Variants in EPB41L1 observed in about 807,000 individuals in gnomAD.
EPB41L1 encodes band 4.1-like protein 1.
In EPB41L1, 29 loss-of-function variants were observed where a neutral mutation model predicts 97.8. The ratio of observed to expected loss-of-function variants is 0.30; its 90% CI spans 0.22 to 0.40. EPB41L1 has a LOEUF of 0.40. Ranked by LOEUF, EPB41L1 falls within the 10% of genes least tolerant of loss-of-function variation. The pLI is 1.00. For missense variants in EPB41L1, 812 were observed against 1,162.3 expected (o/e 0.70, Z 4.38); for synonymous variants, 383 against 459.2 (o/e 0.83, Z 2.12).
chr20:36,221,614 G>A (rs1324421201), intron 19 of EPB41L1, among the ~76,000 whole-genome samples: 2 of 152,220 alleles, frequency 1.3e-5, no homozygotes, highest in African/African-American at 2.4e-5. Context: ...CAGGGTCTGA[G>A]AGGCAGCATT....
intron 14 of EPB41L1, among the ~76,000 whole-genome samples, chr20:36,198,908 A>C (rs1352806021): frequency 1.3e-5 from 2 of 152,102 alleles, no homozygotes; most frequent in Admixed American, 1.3e-4. Flanking sequence ...CGTTGGGTAG[A>C]GATAATAAAA....
chr20:36,199,263 T>C (rs2062367499), intron 14 of EPB41L1, among the ~76,000 whole-genome samples: 1 of 151,976 alleles, frequency 6.6e-6, no homozygotes. Flanking sequence ...AAGGACTTAT[T>C]CAGTGTCTTA....
chr20:36,129,761 A>C (rs959834411), intron 2 of EPB41L1, among the ~76,000 whole-genome samples: 6 of 152,020 alleles, frequency 3.9e-5, no homozygotes, highest in African/African-American at 1.5e-4. Flanking sequence ...AATTCAATTT[A>C]TTCATTTATT....
At position 36,197,839 on chromosome 20, in the gene EPB41L1, C is replaced by G. The variant is rs1390989446; in HGVS notation, c.1486-20C>G. 6.2e-7 allele frequency: 1 copy of G among 1,614,000 alleles called. No individual in the cohort carries two copies. The highest frequency in any genetic ancestry group is 8.5e-7 in the Non-Finnish European group (1 of 1,180,020). On this transcript the variant is annotated intron_variant, in intron 13 of 21. Coordinates refer to ENST00000338074, the MANE Select transcript of EPB41L1 (RefSeq NM_012156.2). ...TGGAGCTGTTCCCCTAACACCACCA[C>G]CCTCTCCATCTATCCCTAGTTCTTA... is the stretch of plus-strand genomic sequence containing the variant.
intron 2 of EPB41L1, among the ~76,000 whole-genome samples, chr20:36,132,574 G>T (rs6119697): frequency 3.4e-5 from 4 of 116,498 alleles, no homozygotes; most frequent in African/African-American, 1.0e-4. Flanking sequence ...GGGCGGGGGG[G>T]GGGGGCGCAT....
chr20:36,108,229 C>T (rs570635447), intron 1 of EPB41L1, among the ~76,000 whole-genome samples: 1 of 152,206 alleles, frequency 6.6e-6, no homozygotes, highest in South Asian at 2.1e-4. Context: ...GTCCTTCCAC[C>T]TCAGCCTCCC....
At chr20:36,116,723 G>T (rs1477011148) in intron 2 of EPB41L1, among the ~76,000 whole-genome samples, 1 of 152,152 alleles carries the variant, frequency 6.6e-6, no homozygotes, top group Non-Finnish European at 1.5e-5. Context: ...CACCCATGGA[G>T]GGGCTCCTTT....
rs1451607947 is a variant in EPB41L1 at position 36,230,814 on chromosome 20, T to C, written c.*1474T>C. 3 of 151,772 alleles carry C rather than the reference T, an allele frequency of 2.0e-5. No homozygotes were observed. Among genetic ancestry groups the C allele is most frequent in the Admixed American group, 6.6e-5 (1 of 15,218 alleles). The allele number at this position is 151,772 out of a possible 1,614,324, so 9.4% of individuals were successfully genotyped here. A position where few individuals can be genotyped will look rare whatever the true frequency, so the allele number is the denominator to read the frequency against. On this transcript the variant is annotated 3_prime_UTR_variant, in exon 22 of 22. Coordinates refer to ENST00000338074, the MANE Select transcript of EPB41L1 (RefSeq NM_012156.2). ...CACATTCTGCCCTTCCCTGACCCCA[T>C]TGTAATAACCAACTCCATATCCAAA...
At chr20:36,202,489 C>A (rs1310660834) in intron 14 of EPB41L1, among the ~76,000 whole-genome samples, 1 of 152,114 alleles carries the variant, frequency 6.6e-6, no homozygotes, top group East Asian at 1.9e-4. Flanking sequence ...CCTGGACCCC[C>A]TCCTCGTATA....
chr20:36,152,985 G>A (rs1159605457), upstream of EPB41L1: 2 of 456,518 alleles, frequency 4.4e-6, no homozygotes, highest in South Asian at 3.1e-5. Flanking sequence ...CTGTTCTCTA[G>A]GACTGGGAGA....
At chr20:36,184,304 G>A (rs1390726375) in intron 6 of EPB41L1, among the ~76,000 whole-genome samples, 1 of 151,914 alleles carries the variant, frequency 6.6e-6, no homozygotes, top group Admixed American at 6.6e-5. Flanking sequence ...AAATGGACAG[G>A]GAGGCATCGT....
intron 21 of EPB41L1, among the ~76,000 whole-genome samples, chr20:36,227,767 C>A (rs2064258123): frequency 6.6e-6 from 1 of 152,210 alleles, no homozygotes; most frequent in South Asian, 2.1e-4. Flanking sequence ...GTTCTTCCTT[C>A]TTGAAGTTCT....
intron 2 of EPB41L1, among the ~76,000 whole-genome samples, chr20:36,142,519 G>C (rs1248929345): frequency 6.6e-6 from 1 of 152,226 alleles, no homozygotes. Flanking sequence ...GATGAAACCA[G>C]TTGATAGCTG....
chr20:36,114,158 A>T (rs2058511652), intron 2 of EPB41L1, among the ~76,000 whole-genome samples: 1 of 152,184 alleles, frequency 6.6e-6, no homozygotes. Flanking sequence ...AGATGAACAC[A>T]TCCGCCCTAG....
Position 36,230,955 on chromosome 20 carries a change from T to C in EPB41L1, c.*1615T>C, listed in dbSNP as rs2064464914. 1 of 152,240 alleles carries C rather than the reference T, an allele frequency of 6.6e-6. No individual in the cohort carries two copies. Among genetic ancestry groups the C allele is most frequent in the African/African-American group, 2.4e-5 (1 of 41,438 alleles). 9.4% of individuals were successfully genotyped at this position (152,240 alleles called of 1,614,324 possible). A position where few individuals can be genotyped will look rare whatever the true frequency, so the allele number is the denominator to read the frequency against. On this transcript the variant is annotated 3_prime_UTR_variant, in exon 22 of 22. Coordinates refer to ENST00000338074, the MANE Select transcript of EPB41L1 (RefSeq NM_012156.2). ...CCTTGTTCTGAATCATTTCTTCTTCTCAGGCCAAAGTAGCCATGGTAAGGA... is the reference window on the plus strand; with the variant it reads ...CCTTGTTCTGAATCATTTCTTCTTCCCAGGCCAAAGTAGCCATGGTAAGGA...
chr20:36,133,374 A>G (rs2059294625), intron 2 of EPB41L1, among the ~76,000 whole-genome samples: 2 of 152,248 alleles, frequency 1.3e-5, no homozygotes, highest in Non-Finnish European at 2.9e-5. Context: ...CACCCCTCTC[A>G]TTAACTTGCT....
intron 19 of EPB41L1, among the ~76,000 whole-genome samples, chr20:36,220,449 G>A (rs2063716380): frequency 6.6e-6 from 1 of 152,156 alleles, no homozygotes; most frequent in African/African-American, 2.4e-5. Context: ...AGGTTGCACT[G>A]GGGGCAGGGA....
chr20:36,103,209 C>T (rs892246483), intron 1 of EPB41L1, among the ~76,000 whole-genome samples: 11 of 152,238 alleles, frequency 7.2e-5, no homozygotes, highest in Admixed American at 2.6e-4. Context: ...TGGCTTTCAC[C>T]GGGTTGTGAG....
rs1376684376 is a variant in EPB41L1, at chr20:36,230,304, AATATT to A, written c.*966_*970del. 1 of 152,618 alleles carries A rather than the reference AATATT, an allele frequency of 6.6e-6. No homozygotes were observed. The highest frequency in any genetic ancestry group is 2.4e-5 in the African/African-American group (1 of 41,432). 9.5% of individuals were successfully genotyped at this position (152,618 alleles called of 1,614,324 possible). A position where few individuals can be genotyped will look rare whatever the true frequency, so the allele number is the denominator to read the frequency against. ...ATGTATATTACATATAACAGGAAAA[AATATT>A]AAAATAAACAGTGCTGGTAAGTATG... is the stretch of plus-strand genomic sequence containing the variant. On this transcript the variant is annotated 3_prime_UTR_variant, in exon 22 of 22. Coordinates refer to ENST00000338074, the MANE Select transcript of EPB41L1 (RefSeq NM_012156.2).
Sources: gnomAD v4.1 joint callset for allele counts (sites outside exome capture counted in the v4.1 genomes callset) on GRCh38, gnomAD v4.1.1 for gene constraint, MANE v1.5 for transcripts, NCBI Gene and HGNC (gene_info 2026-07-23, HGNC 2026-07-21) for gene names.